CNOT1: variants seen among roughly 807,000 people sequenced by gnomAD.
CNOT1 encodes the protein CCR4-NOT transcription complex subunit 1, also known as CCR4-associated factor 1.
CNOT1 carries 15 observed loss-of-function variants against 273.8 expected under a neutral mutation model. The ratio of observed to expected loss-of-function variants is 0.05; its 90% CI spans 0.04 to 0.08. CNOT1 has a LOEUF of 0.08. CNOT1 is among the 10% of genes least tolerant of loss of function. The pLI, the probability that CNOT1 is intolerant of heterozygous loss-of-function variation, is 1.00. For missense variants in CNOT1, 1,644 were observed against 2,912.2 expected (o/e 0.56, Z 10.02); for synonymous variants, 1,022 against 1,005.5 (o/e 1.02, Z -0.31).
At chr16:58,538,980 G>A in intron 35 of CNOT1, 66 bp from the exon 36 acceptor site, 4 of 1,568,512 alleles carry the variant, frequency 2.6e-6, no homozygotes, top group Non-Finnish European at 3.5e-6. Context: ...ATCACAGCCA[G>A]AAACCAAATC....
chr16:58,540,973 A>G (rs2040075490), intron 34 of CNOT1, among the ~76,000 whole-genome samples: 1 of 152,238 alleles, frequency 6.6e-6, no homozygotes, highest in Non-Finnish European at 1.5e-5. Flanking sequence ...TGGGAGGCCA[A>G]GGTAGGCGAT....
At chr16:58,531,139 C>G (rs1161275073) in intron 42 of CNOT1, among the ~76,000 whole-genome samples, 1 of 152,216 alleles carries the variant, frequency 6.6e-6, no homozygotes, top group Non-Finnish European at 1.5e-5. Context: ...TCACCCTCCC[C>G]CAACTATACC....
At chr16:58,549,603 C>T in intron 25 of CNOT1, 116 bp downstream of exon 25, 1 of 1,410,998 alleles carries the variant, frequency 7.1e-7, no homozygotes, top group Non-Finnish European at 9.3e-7. Flanking sequence ...CAGCAATTTC[C>T]AGAGGTACCT....
At chr16:58,555,620 A>T (rs1282377892) in intron 20 of CNOT1, 83 bp from the exon 21 acceptor site, 2 of 1,547,180 alleles carry the variant, frequency 1.3e-6, no homozygotes, top group Non-Finnish European at 1.7e-6. Context: ...ACAAAAGACT[A>T]TTAAGTAGAA....
chr16:58,547,517 CATA>C lies in CNOT1; in HGVS notation c.3639+46_3639+48del. The stretch of plus-strand genomic sequence containing the variant: ...GCTCCAAACAGCCAATACTTGTAAT[CATA>C]ATGTGCTGAAGATTCTCAATTTTTA... On this transcript the variant is annotated intron_variant, in intron 26 of 48. Transcript: ENST00000317147. The surrounding 1 kb of genome is among the most constrained non-coding windows in gnomAD (Gnocchi z 4.0). 6.4e-7 allele frequency: 1 copy of C among 1,571,934 alleles called. No individual in the cohort carries two copies. Among genetic ancestry groups the C allele is most frequent in the Non-Finnish European group, 8.6e-7 (1 of 1,157,576 alleles).
chr16:58,600,992 T>C (rs565479830), intron 1 of CNOT1, among the ~76,000 whole-genome samples: 1 of 152,334 alleles, frequency 6.6e-6, no homozygotes, highest in East Asian at 1.9e-4. Flanking sequence ...TTCACTCTTG[T>C]TGCCGAGGCT....
At position 58,560,287 on chromosome 16, in the gene CNOT1, T is replaced by C; in HGVS notation, c.2055A>G (p.Arg685=). 6.2e-7 allele frequency: 1 copy of C among 1,614,198 alleles called. No individual in the cohort carries two copies. The highest frequency in any genetic ancestry group is 8.5e-7 in the Non-Finnish European group (1 of 1,180,028). ...ANCSNVMNKA[R]QPPPGVMPKG... ...TTGGCATAACTCCAGGTGGTGGTTGTCTGGCCTTATTCATAACATTACTGC... is the reference window on the plus strand; with the variant it reads ...TTGGCATAACTCCAGGTGGTGGTTGCCTGGCCTTATTCATAACATTACTGC... Residue 685 remains arginine (R), a synonymous_variant, in exon 17 of 49, where the codon AGA becomes AGG. Transcript: ENST00000317147.
At chr16:58,627,490 T>C (rs775058590) in intron 1 of CNOT1, among the ~76,000 whole-genome samples, 26 of 151,334 alleles carry the variant, frequency 1.7e-4, no homozygotes, top group Non-Finnish European at 3.5e-4. Flanking sequence ...GCAAGGTAAT[T>C]TGAAATCAGA....
intron 2 of CNOT1, among the ~76,000 whole-genome samples, chr16:58,589,357 A>G (rs978482976): frequency 4.6e-5 from 7 of 152,142 alleles, no homozygotes; most frequent in Non-Finnish European, 8.8e-5. Flanking sequence ...TACTAAATAT[A>G]CAAAAATTAG....
chr16:58,546,610 CT>C (rs2040263858), intron 28 of CNOT1, 61 bp downstream of exon 28: 2 of 1,612,464 alleles, frequency 1.2e-6, no homozygotes, highest in African/African-American at 1.3e-5. Context: ...CCTGCCTTCA[CT>C]GTAAGTTTTA....
intron 21 of CNOT1, among the ~76,000 whole-genome samples, chr16:58,554,438 A>G (rs2040560892): frequency 6.6e-6 from 1 of 152,208 alleles, no homozygotes; most frequent in Non-Finnish European, 1.5e-5. Flanking sequence ...TCACTGTGGG[A>G]GGCAGGAAGA....
intron 1 of CNOT1, among the ~76,000 whole-genome samples, chr16:58,605,903 G>A (rs2152022999): frequency 6.6e-6 from 1 of 152,188 alleles, no homozygotes; most frequent in African/African-American, 2.4e-5. Flanking sequence ...CGATCCCTCT[G>A]CCTAGGCCTC....
Position 58,547,473 on chromosome 16 carries a change from C to A in CNOT1, c.3639+93G>T, listed in dbSNP as rs909377400. On this transcript the variant is annotated intron_variant, in intron 26 of 48. Coordinates refer to ENST00000317147, the MANE Select transcript of CNOT1 (RefSeq NM_016284.5). This position sits in a 1 kb window ranked among gnomAD's most constrained non-coding sequence, Gnocchi z 4.0. ...AAACGTGGGCCAAAATCTTACAAAA[C>A]CCCAATAATCATTAAATAGCTCCAA... 2 of 1,521,338 alleles carry A rather than the reference C, an allele frequency of 1.3e-6. No individual in the cohort carries two copies. The highest frequency in any genetic ancestry group is 1.8e-6 in the Non-Finnish European group (2 of 1,130,762). The allele number at this position is 1,521,338 out of a possible 1,614,324, so 94.2% of individuals were successfully genotyped here.
At chr16:58,538,396 A>G (rs535455457) in intron 36 of CNOT1, 130 bp from the exon 37 acceptor site, 19 of 646,586 alleles carry the variant, frequency 2.9e-5, no homozygotes, top group African/African-American at 2.5e-4. Flanking sequence ...GTCCAAATTT[A>G]AAAACAGCCA....
At chr16:58,568,860 G>A (rs2041160455) in intron 16 of CNOT1, among the ~76,000 whole-genome samples, 1 of 152,126 alleles carries the variant, frequency 6.6e-6, no homozygotes, top group Admixed American at 6.6e-5. Context: ...ATAAAGAACA[G>A]AATTAGTTCA....
chr16:58,540,208 G>A (rs765141662), intron 34 of CNOT1: 10 of 385,748 alleles, frequency 2.6e-5, no homozygotes, highest in African/African-American at 4.0e-5. Flanking sequence ...GCAGACAGCA[G>A]CATAATCAAG....
intron 12 of CNOT1, 106 bp from the exon 13 acceptor site, chr16:58,579,045 C>T: frequency 2.7e-6 from 4 of 1,484,096 alleles, no homozygotes; most frequent in Non-Finnish European, 3.6e-6. Context: ...AAGTTGGTGT[C>T]ATGTTTTAAT....
At chr16:58,568,361 T>A (rs1434965167) in intron 16 of CNOT1, among the ~76,000 whole-genome samples, 1 of 127,262 alleles carries the variant, frequency 7.9e-6, no homozygotes, top group Non-Finnish European at 1.7e-5. Context: ...AGAGCGAAAC[T>A]CCATCTCAAG....
intron 22 of CNOT1, 135 bp from the exon 23 acceptor site, chr16:58,551,954 T>G: frequency 9.0e-7 from 1 of 1,111,300 alleles, no homozygotes; most frequent in Non-Finnish European, 1.3e-6. Context: ...CTTTGCCCCA[T>G]ACCCTGGCAC....
Sources: allele counts gnomAD v4.1 joint callset (sites outside exome capture counted in the v4.1 genomes callset), GRCh38; gene constraint gnomAD v4.1.1; non-coding constraint Gnocchi (gnomAD v3.1); transcripts MANE v1.5; gene names NCBI Gene and HGNC (gene_info 2026-07-23, HGNC 2026-07-21).